Variants in HEPHL1 observed in about 807,000 individuals in gnomAD.
HEPHL1 encodes hephaestin like 1.
In HEPHL1, 123 loss-of-function variants were observed where a neutral mutation model predicts 122.0. The ratio of observed to expected loss-of-function variants is 1.01; its 90% CI spans 0.87 to 1.17. The LOEUF is 1.17. Ranked by LOEUF, HEPHL1 falls within the 50% of genes most tolerant of loss-of-function variation. The pLI, the probability that HEPHL1 is intolerant of heterozygous loss-of-function variation, is 0.00. For missense variants in HEPHL1, 1,452 were observed against 1,430.5 expected, an observed-to-expected ratio of 1.01 and a Z score of -0.24; for synonymous variants, 527 against 508.9, an observed-to-expected ratio of 1.04 and a Z score of -0.48.
intron 1 of HEPHL1, among the ~76,000 whole-genome samples, chr11:94,033,189 C>A (rs772666051): frequency 6.6e-6 from 1 of 152,158 alleles, no homozygotes; most frequent in Admixed American, 6.5e-5. Flanking sequence ...TTCATTCCTG[C>A]TCTAAAACTT....
At chr11:94,046,091 C>CTTTTTTTTTTTGTTT (rs1945834586) in intron 2 of HEPHL1, among the ~76,000 whole-genome samples, 174 bp downstream of exon 2, 1 of 65,048 alleles carries the variant, frequency 1.5e-5, no homozygotes, top group Non-Finnish European at 2.6e-5. Flanking sequence ...CCCTTTCTTG[C>CTTTTTTTTTTTGTTT]TTTTTTTTTT....
rs748821142 is a variant in HEPHL1, at chr11:94,111,675, G to C, written c.3278-17G>C. On this transcript the variant is annotated splice_polypyrimidine_tract_variant and intron_variant, in intron 19 of 19. Transcript: ENST00000315765. ...CTCAAAAATGTCAGGGGCCTGACAA[G>C]TTTATCTTTTTCACAGAACGACCTG... is the stretch of plus-strand genomic sequence containing the variant. 3 of 1,612,848 alleles carry C rather than the reference G, an allele frequency of 1.9e-6. No individual in the cohort carries two copies. Among genetic ancestry groups the C allele is most frequent in the Non-Finnish European group, 2.5e-6 (3 of 1,179,190 alleles).
At chr11:94,045,469 T>G (rs2460045) in intron 1 of HEPHL1, among the ~76,000 whole-genome samples, 54,574 of 152,110 alleles carry the variant, frequency 0.36, 10,568 homozygotes, top group Admixed American at 0.45. Context: ...ATACTGCTTG[T>G]GCCCTTTGGC....
At chr11:94,078,444 T>G (rs2134436961) in intron 9 of HEPHL1, among the ~76,000 whole-genome samples, 1 of 111,634 alleles carries the variant, frequency 9.0e-6, no homozygotes, top group Admixed American at 1.0e-4. Context: ...ACTCAGATGT[T>G]CCATATATAT....
chr11:94,092,127 A>G (rs1230478112), intron 12 of HEPHL1, among the ~76,000 whole-genome samples: 1 of 152,232 alleles, frequency 6.6e-6, no homozygotes, highest in Non-Finnish European at 1.5e-5. Context: ...CACCCAACCT[A>G]GGTAAGTATT....
rs769544320 is a variant in HEPHL1 at position 94,086,061 on chromosome 11, G to C, written c.1952G>C (p.Gly651Ala). 1.4e-5 allele frequency: 22 copies of C among 1,613,732 alleles called. No individual in the cohort carries two copies. The highest frequency in any genetic ancestry group is 1.9e-5 in the Non-Finnish European group (22 of 1,179,786). ...GTTTCCTGGCATCTGATTGGATTGG[G>C]CACTGACACTGACATGCATGGAATT... ...DRVSWHLIGL[G>A]TDTDMHGIVF... Residue 651 changes from glycine (G) to alanine (A), a missense_variant, in exon 11 of 20, where the codon GGC becomes GCC. Gly to Ala is a moderately conservative substitution (Grantham distance 60). Transcript: ENST00000315765.
intron 5 of HEPHL1, 149 bp from the exon 6 acceptor site, chr11:94,070,225 C>T: frequency 3.4e-6 from 2 of 585,502 alleles, no homozygotes; most frequent in Admixed American, 3.6e-5. Flanking sequence ...CTCCTGTTGC[C>T]ATTTATCCTT....
At chr11:94,036,226 C>G (rs7939334) in intron 1 of HEPHL1, among the ~76,000 whole-genome samples, 3,198 of 152,216 alleles carry the variant, frequency 0.021, 115 homozygotes, top group African/African-American at 0.074. Flanking sequence ...CTGGGTCTGT[C>G]TCTGGACAGA....
At chr11:94,083,662 A>G (rs1946192017) in intron 10 of HEPHL1, among the ~76,000 whole-genome samples, 1 of 152,226 alleles carries the variant, frequency 6.6e-6, no homozygotes, top group African/African-American at 2.4e-5. Context: ...AAAATAGTCC[A>G]AGGTTACAAG....
chr11:94,071,310 ATTTG>A (rs1946071846), intron 6 of HEPHL1, among the ~76,000 whole-genome samples: 1 of 146,922 alleles, frequency 6.8e-6, no homozygotes, highest in Admixed American at 7.0e-5. Flanking sequence ...ATAAAACATC[ATTTG>A]TTTCTTTAAT....
intron 9 of HEPHL1, among the ~76,000 whole-genome samples, chr11:94,075,629 G>A (rs376436246): frequency 6.6e-6 from 1 of 152,084 alleles, no homozygotes; most frequent in African/African-American, 2.4e-5. Flanking sequence ...GATTTGGCAG[G>A]CCTCTTTTTC....
intron 5 of HEPHL1, among the ~76,000 whole-genome samples, chr11:94,069,748 G>A (rs1402910232): frequency 1.3e-5 from 2 of 151,972 alleles, no homozygotes; most frequent in African/African-American, 4.8e-5. Context: ...ATTATAAACA[G>A]CACTGATGAC....
chr11:94,074,579 G>A (rs951587839), intron 8 of HEPHL1, among the ~76,000 whole-genome samples: 2 of 152,094 alleles, frequency 1.3e-5, no homozygotes, highest in African/African-American at 4.8e-5. Context: ...CTCTGGCCTT[G>A]TCTAGTAGGA....
chr11:94,090,206 A>T (rs1182880787), intron 12 of HEPHL1, among the ~76,000 whole-genome samples: 1 of 152,116 alleles, frequency 6.6e-6, no homozygotes, highest in Non-Finnish European at 1.5e-5. Flanking sequence ...TATTCTGCAA[A>T]ACTAGTGCTG....
In HEPHL1 at chr11:94,046,091, C is replaced by CTTTTTTTTTTTTTTTTTTTTT. The variant is rs755367459; in HGVS notation, c.415+175_415+195dup. On this transcript the variant is annotated intron_variant, in intron 2 of 19. Transcript: ENST00000315765. ...TTCTGTCTCTCTCTTCCCTTTCTTG[C>CTTTTTTTTTTTTTTTTTTTTT]TTTTTTTTTTTTTTTTTTTTTGAGA... is the stretch of plus-strand genomic sequence containing the variant. Among the ~76,000 whole-genome samples, 37 of 65,054 alleles carry CTTTTTTTTTTTTTTTTTTTTT rather than the reference C, an allele frequency of 5.7e-4. 7 individuals are homozygous for CTTTTTTTTTTTTTTTTTTTTT. The highest frequency in any genetic ancestry group is 1.1e-3 in the East Asian group (2 of 1,782). The allele number at this position is 65,054 out of a possible 152,430, so 42.7% of individuals were successfully genotyped here. A position where few individuals can be genotyped will look rare whatever the true frequency, so the allele number is the denominator to read the frequency against.
At chr11:94,109,429 T>C (rs898760270) in intron 17 of HEPHL1, among the ~76,000 whole-genome samples, 1 of 152,196 alleles carries the variant, frequency 6.6e-6, no homozygotes, top group Non-Finnish European at 1.5e-5. Flanking sequence ...AGTTTGTTCT[T>C]AATCTTACAA....
intron 4 of HEPHL1, 78 bp from the exon 5 acceptor site, chr11:94,067,418 A>T: frequency 7.0e-7 from 1 of 1,425,952 alleles, no homozygotes; most frequent in Non-Finnish European, 9.8e-7. Flanking sequence ...AGCCATGCTT[A>T]AGCCCGTATT....
chr11:94,083,755 A>G (rs1000742570), intron 10 of HEPHL1, among the ~76,000 whole-genome samples: 1 of 82,080 alleles, frequency 1.2e-5, no homozygotes, highest in African/African-American at 5.6e-5. Context: ...AATGGAAAGC[A>G]TGGAGTAGTA....
At chr11:94,081,818 A>C (rs1946172767) in intron 9 of HEPHL1, among the ~76,000 whole-genome samples, 1 of 152,206 alleles carries the variant, frequency 6.6e-6, no homozygotes, top group African/African-American at 2.4e-5. Context: ...TTTCAGGTGG[A>C]GATAAGTGCT....
Sources: allele counts gnomAD v4.1 joint callset (sites outside exome capture counted in the v4.1 genomes callset), GRCh38; gene constraint gnomAD v4.1.1; transcripts MANE v1.5; gene names NCBI Gene and HGNC (gene_info 2026-07-23, HGNC 2026-07-21).